Variants in GREB1 observed in about 807,000 individuals in gnomAD.
GREB1 encodes the protein protein GREB1.
Under a neutral mutation model 200.7 loss-of-function variants are expected in GREB1, and 106 were observed. That is an observed-to-expected ratio of 0.53 (90% CI 0.45 to 0.62). The LOEUF is 0.62. Among genes scored for constraint, GREB1 ranks in the 20% least tolerant of loss-of-function variants. The pLI, the probability that GREB1 is intolerant of heterozygous loss-of-function variation, is 0.00. For missense variants in GREB1, 2,243 were observed against 2,556.8 expected (o/e 0.88, Z 2.65); for synonymous variants, 1,132 against 1,092.4 (o/e 1.04, Z -0.72).
At chr2:11,542,771 G>T (rs1169551726) in intron 1 of GREB1, 3 of 152,648 alleles carry the variant, frequency 2.0e-5, no homozygotes. Flanking sequence ...CATAGGAAGG[G>T]CTCTCCTCTG....
intron 1 of GREB1, among the ~76,000 whole-genome samples, chr2:11,508,335 C>T (rs933608134): frequency 2.6e-5 from 4 of 152,248 alleles, no homozygotes; most frequent in African/African-American, 9.6e-5. Context: ...TGCAGCCACC[C>T]TCACCATCCT....
intron 18 of GREB1, among the ~76,000 whole-genome samples, chr2:11,612,010 A>G (rs1371536236): frequency 6.6e-6 from 1 of 152,114 alleles, no homozygotes; most frequent in African/African-American, 2.4e-5. Flanking sequence ...CCTGGCCAGC[A>G]TGGAGAAACC....
At chr2:11,588,547 A>G in intron 9 of GREB1, 199 bp from the exon 10 acceptor site, 1 of 647,482 alleles carries the variant, frequency 1.5e-6, no homozygotes, top group Admixed American at 2.4e-5. Context: ...TTGGTTAGAA[A>G]AGGTGACTCC....
rs201149740 is a variant in GREB1, at chr2:11,585,777, C to A, written c.1031C>A (p.Ser344Tyr). 1.4e-5 allele frequency: 22 copies of A among 1,613,134 alleles called. No individual in the cohort carries two copies. The highest frequency in any genetic ancestry group is 1.7e-5 in the Non-Finnish European group (20 of 1,180,052). Reference sequence around the variant, plus strand: ...GTGTTCCTAGAGAGCGCAGGCATGTCCTGCGTGCCGCAGGTTGGCTTGGTG... The same window carrying A: ...GTGTTCCTAGAGAGCGCAGGCATGTACTGCGTGCCGCAGGTTGGCTTGGTG... ...NRAKYESAGM[S>Y]CVPQVGLVGP... Residue 344 changes from serine (S) to tyrosine (Y), a missense_variant, in exon 9 of 33, where the codon TCC becomes TAC. Physicochemically the swap from Ser to Tyr is moderately radical, Grantham distance 144 (BLOSUM62 -2). Transcript: ENST00000381486.
In GREB1 at chr2:11,623,112, CTG is replaced by C. The variant is rs1684143799; in HGVS notation, c.4148-2039_4148-2038del. Among the ~76,000 whole-genome samples the C allele has an allele frequency of 3.9e-5, 6 of 152,256 alleles. No individual in the cohort carries two copies. In the South Asian group the frequency reaches 1.2e-3, roughly 31 times the overall value. On this transcript the variant is annotated intron_variant, in intron 23 of 32. Coordinates refer to ENST00000381486, the MANE Select transcript of GREB1 (RefSeq NM_014668.4). ...TGACGTTTTGGTCAACGGACTGCAT[CTG>C]TGACGTTGGTCCCATGAGATTCTAG...
At chr2:11,598,001 G>C in intron 14 of GREB1, 23 bp downstream of exon 14, 1 of 1,570,490 alleles carries the variant, frequency 6.4e-7, no homozygotes, top group Non-Finnish European at 8.8e-7. Flanking sequence ...TTGGGGAGAA[G>C]TCACGTGTGG....
chr2:11,580,986 A>G lies in GREB1; in HGVS notation c.901+154A>G. On this transcript the variant is annotated intron_variant, in intron 7 of 32. Coordinates refer to ENST00000381486, the MANE Select transcript of GREB1 (RefSeq NM_014668.4). This position sits in a 1 kb window ranked among gnomAD's most constrained non-coding sequence, Gnocchi z 4.5. ...AGGCCAGGACCACAGGTGCCTCCTG[A>G]GTCCGTGGGTCTGGGCCCAGGCCCT... 1.1e-6 allele frequency: 1 copy of G among 910,104 alleles called. No homozygotes were observed. The allele number at this position is 910,104 out of a possible 1,614,324, so 56.4% of individuals were successfully genotyped here.
intron 17 of GREB1, among the ~76,000 whole-genome samples, chr2:11,610,284 G>T (rs1682800899): frequency 6.6e-6 from 1 of 152,202 alleles, no homozygotes; most frequent in Admixed American, 6.5e-5. Context: ...TTGATTGCTG[G>T]TGGTTCTCCT....
intron 1 of GREB1, chr2:11,556,246 C>G (rs1034451200): frequency 6.3e-6 from 1 of 157,586 alleles, no homozygotes; most frequent in Non-Finnish European, 1.4e-5. Context: ...GAGGGCCATT[C>G]GTCTGCAGGT....
chr2:11,622,292 G>C (rs1174153652), intron 23 of GREB1, among the ~76,000 whole-genome samples: 1 of 152,106 alleles, frequency 6.6e-6, no homozygotes, highest in Middle Eastern at 3.2e-3. Flanking sequence ...TGTTGGCCAG[G>C]CTGGTCTCAA....
intron 9 of GREB1, 97 bp from the exon 10 acceptor site, chr2:11,588,649 T>G: frequency 9.0e-7 from 1 of 1,115,988 alleles, no homozygotes; most frequent in African/African-American, 1.5e-5. Context: ...GCAGCTCACC[T>G]ATCTCCTTCA....
intron 10 of GREB1, chr2:11,591,652 A>T (rs1043877971): frequency 3.9e-5 from 22 of 562,242 alleles, no homozygotes; most frequent in Non-Finnish European, 6.7e-5. Flanking sequence ...AAGCAATCTG[A>T]TGATATGTAG....
chr2:11,528,238 A>G (rs1467868595), intron 1 of GREB1, among the ~76,000 whole-genome samples: 3 of 152,232 alleles, frequency 2.0e-5, no homozygotes, highest in Admixed American at 6.5e-5. Flanking sequence ...TGACTTTTCT[A>G]TCTCTTTACA....
At chr2:11,625,644 T>C (rs1323642132) in intron 24 of GREB1, among the ~76,000 whole-genome samples, 1 of 152,196 alleles carries the variant, frequency 6.6e-6, no homozygotes, top group Admixed American at 6.5e-5. Context: ...AGTACACGTG[T>C]TCACCTCTCC....
intron 4 of GREB1, among the ~76,000 whole-genome samples, chr2:11,570,590 A>G (rs6432220): frequency 0.76 from 115,634 of 151,560 alleles, 44,776 homozygotes; most frequent in African/African-American, 0.9. Flanking sequence ...TAAAGCATTT[A>G]GTTGCTGTAT....
At chr2:11,615,379 C>T (rs1001846422) in intron 20 of GREB1, 89 bp downstream of exon 20, 1 of 1,123,590 alleles carries the variant, frequency 8.9e-7, no homozygotes, top group East Asian at 2.6e-5. Flanking sequence ...CTTATGGAGA[C>T]AGCTGTCTCC....
chr2:11,525,277 G>T (rs1006549169), intron 1 of GREB1, among the ~76,000 whole-genome samples: 2 of 152,032 alleles, frequency 1.3e-5, no homozygotes, highest in African/African-American at 4.8e-5. Flanking sequence ...GGCCGAAGGG[G>T]GTGGATCACT....
At position 11,600,903 on chromosome 2, in the gene GREB1, C is replaced by T; in HGVS notation, c.2437C>T (p.Leu813Phe). 2 of 1,614,138 alleles carry T rather than the reference C, an allele frequency of 1.2e-6. No individual in the cohort carries two copies. Among genetic ancestry groups the T allele is most frequent in the African/African-American group, 1.3e-5 (1 of 75,040 alleles). ...EVKEAPNIVT[L>F]HVTSFPYALQ... is the part of the protein sequence containing the mutation. Reference sequence around the variant, plus strand: ...GAAGGAGGCCCCCAACATTGTGACACTTCACGTGACCTCCTTCCCGTATGC... The same window carrying T: ...GAAGGAGGCCCCCAACATTGTGACATTTCACGTGACCTCCTTCCCGTATGC... Residue 813 changes from leucine (L) to phenylalanine (F), a missense_variant, in exon 16 of 33, where the codon CTT becomes TTT. Transcript: ENST00000381486.
intron 1 of GREB1, among the ~76,000 whole-genome samples, chr2:11,538,785 T>C (rs1207002155): frequency 7.0e-5 from 2 of 28,662 alleles, no homozygotes; most frequent in South Asian, 5.1e-3. Flanking sequence ...CCCGTCTTCC[T>C]TCCTTCCTTC....
Sources: allele counts gnomAD v4.1 joint callset (sites outside exome capture counted in the v4.1 genomes callset), GRCh38; gene constraint gnomAD v4.1.1; non-coding constraint Gnocchi (gnomAD v3.1); transcripts MANE v1.5; gene names NCBI Gene and HGNC (gene_info 2026-07-23, HGNC 2026-07-21).